The following ANO10 variants were observed in gnomAD, a reference collection of about 807,000 sequenced individuals.
ANO10 encodes the protein anoctamin-10.
ANO10 carries 77 observed loss-of-function variants against 74.7 expected under a neutral mutation model. The observed-to-expected ratio is 1.03, with a 90% CI of 0.86 to 1.25. The LOEUF is 1.25. ANO10 is among the 50% of genes most tolerant of loss of function. The pLI is 0.00. For synonymous variants in ANO10, 279 were observed against 284.9 expected, an observed-to-expected ratio of 0.98 and a Z score of 0.21; for missense variants, 721 against 778.1, an observed-to-expected ratio of 0.93 and a Z score of 0.87.
chr3:43,643,746 C>G (rs1401063216), intron 1 of ANO10, among the ~76,000 whole-genome samples: 1 of 146,902 alleles, frequency 6.8e-6, no homozygotes, highest in Non-Finnish European at 1.5e-5. Flanking sequence ...TGCAGTGGCG[C>G]AATCTCGGCT....
intron 12 of ANO10, among the ~76,000 whole-genome samples, chr3:43,376,040 C>T (rs1294929518): frequency 6.6e-6 from 1 of 152,082 alleles, no homozygotes; most frequent in Non-Finnish European, 1.5e-5. Flanking sequence ...CTGTGTGTGC[C>T]CCAGATGTGT....
At chr3:43,542,820 C>A (rs577306110) in intron 11 of ANO10, among the ~76,000 whole-genome samples, 58 of 152,348 alleles carry the variant, frequency 3.8e-4, no homozygotes, top group Non-Finnish European at 7.6e-4. Context: ...CTCACATCCC[C>A]TGTGCCTTGA....
chr3:43,678,783 T>C (rs570123736), intron 1 of ANO10, among the ~76,000 whole-genome samples: 46 of 152,332 alleles, frequency 3.0e-4, no homozygotes, highest in African/African-American at 6.0e-4. Context: ...AAAATTGTAA[T>C]TTGAGCCATT....
intron 1 of ANO10, among the ~76,000 whole-genome samples, chr3:43,633,325 T>C (rs2083569781): frequency 6.6e-6 from 1 of 152,176 alleles, no homozygotes; most frequent in South Asian, 2.1e-4. Flanking sequence ...ATTTTGAATA[T>C]CTTGGGGAAA....
intron 11 of ANO10, among the ~76,000 whole-genome samples, chr3:43,504,307 GATAGATAGATAGA>G (rs1559623150): frequency 1.4e-5 from 2 of 148,128 alleles, no homozygotes; most frequent in Admixed American, 6.7e-5. Context: ...TAGGTAGATA[GATAGATAGATAGA>G]TAGATAGATA....
chr3:43,686,310 G>A (rs1315316946), intron 1 of ANO10, among the ~76,000 whole-genome samples: 1 of 151,930 alleles, frequency 6.6e-6, no homozygotes, highest in Non-Finnish European at 1.5e-5. Context: ...TTTGGAGACA[G>A]GGTCTCACTC....
intron 1 of ANO10, among the ~76,000 whole-genome samples, chr3:43,613,532 T>C (rs995192566): frequency 6.6e-6 from 1 of 152,224 alleles, no homozygotes; most frequent in African/African-American, 2.4e-5. Flanking sequence ...TCTGATCCAA[T>C]GGCCAGTACG....
intron 12 of ANO10, among the ~76,000 whole-genome samples, chr3:43,380,873 C>T (rs2091941319): frequency 6.6e-6 from 1 of 152,192 alleles, no homozygotes; most frequent in African/African-American, 2.4e-5. Flanking sequence ...CGTTCTCACG[C>T]TGCTATGAAG....
intron 12 of ANO10, among the ~76,000 whole-genome samples, chr3:43,429,988 G>C (rs2092956916): frequency 1.3e-5 from 2 of 152,150 alleles, no homozygotes. Flanking sequence ...ACTTCTGTCA[G>C]TTATATATAA....
rs200888724 is a variant in ANO10 at position 43,660,736 on chromosome 3, C to T, written c.-12+30781G>A. ...TTGGGAGGCCAAGGCTGGCGGATCA[C>T]GTGAGGTCAGGAGTTTGAGACCTGC... On this transcript the variant is annotated intron_variant, in intron 1 of 3. Coordinates refer to the ANO10 transcript ENST00000413397. Among the ~76,000 whole-genome samples, 19 of 152,304 alleles carry T rather than the reference C, an allele frequency of 1.2e-4. No individual in the cohort carries two copies. The East Asian group carries it at 1.5e-3, about 12-fold the overall frequency.
intron 11 of ANO10, among the ~76,000 whole-genome samples, chr3:43,544,932 C>T (rs1317036420): frequency 2.6e-5 from 4 of 151,590 alleles, no homozygotes; most frequent in African/African-American, 7.3e-5. Context: ...TAACACTCAA[C>T]ATCAACTTTA....
intron 12 of ANO10, among the ~76,000 whole-genome samples, chr3:43,386,315 G>T (rs1347713497): frequency 1.3e-5 from 2 of 151,794 alleles, no homozygotes; most frequent in Non-Finnish European, 2.9e-5. Flanking sequence ...AGGAGGGAGA[G>T]GAGCAAGGAA....
At chr3:43,470,644 T>TTTATTTATTTA (rs1428524328) in intron 11 of ANO10, among the ~76,000 whole-genome samples, 8 of 105,372 alleles carry the variant, frequency 7.6e-5, no homozygotes, top group Non-Finnish European at 1.6e-4. Flanking sequence ...TTATTTATTT[T>TTTATTTATTTA]GAGGCAGAGT....
chr3:43,419,357 C>T (rs556226747), intron 12 of ANO10, among the ~76,000 whole-genome samples: 3 of 152,202 alleles, frequency 2.0e-5, no homozygotes, highest in Admixed American at 1.3e-4. Flanking sequence ...ATCGTAGAAG[C>T]TGACAACAAC....
intron 11 of ANO10, among the ~76,000 whole-genome samples, chr3:43,511,311 T>C (rs1244969711): frequency 6.6e-6 from 1 of 152,154 alleles, no homozygotes; most frequent in Admixed American, 6.5e-5. Flanking sequence ...AGTCCATATA[T>C]CAATGTATTT....
rs920488478 is a variant in ANO10, at chr3:43,594,690, A to G, written c.472+3842T>C. On this transcript the variant is annotated intron_variant, in intron 4 of 12. Transcript: ENST00000292246. ...GATCTAAAATTGACACCCTAACATC[A>G]CAATTAAAAGAACTAGAGAAGCAAG... 5.9e-5 allele frequency among the ~76,000 whole-genome samples: 9 copies of G among 152,362 alleles called. No homozygotes were observed. In the East Asian group the frequency reaches 7.7e-4, roughly 13 times the overall value.
intron 1 of ANO10, among the ~76,000 whole-genome samples, chr3:43,678,870 G>A (rs112170195): frequency 0.02 from 2,991 of 152,258 alleles, 50 homozygotes; most frequent in Non-Finnish European, 0.027. Flanking sequence ...AATTAAAAAA[G>A]GAGATATTAA....
chr3:43,562,851 A>G (rs1397138574), intron 8 of ANO10, among the ~76,000 whole-genome samples: 1 of 152,210 alleles, frequency 6.6e-6, no homozygotes, highest in Non-Finnish European at 1.5e-5. Context: ...CCAAAACTAT[A>G]AAACTACTAG....
chr3:43,680,568 G>A (rs902212166), intron 1 of ANO10, among the ~76,000 whole-genome samples: 15 of 151,970 alleles, frequency 9.9e-5, no homozygotes, highest in African/African-American at 3.6e-4. Context: ...TTCAAATTCA[G>A]GAAATACAGA....
Sources: allele counts gnomAD v4.1 joint callset (sites outside exome capture counted in the v4.1 genomes callset), GRCh38; gene constraint gnomAD v4.1.1; transcripts MANE v1.5; gene names NCBI Gene and HGNC (gene_info 2026-07-23, HGNC 2026-07-21).